RBMS3: variants seen among roughly 807,000 people sequenced by gnomAD.
RBMS3 encodes the protein RNA binding motif single stranded interacting protein 3, also known as RNA-binding motif, single-stranded-interacting protein 3.
RBMS3 carries 27 observed loss-of-function variants against 66.8 expected under a neutral mutation model. The observed-to-expected ratio is 0.40, with a 90% confidence interval of 0.30 to 0.56. RBMS3 has a LOEUF of 0.56. Ranked by LOEUF, RBMS3 falls within the 20% of genes least tolerant of loss-of-function variation. RBMS3 has a pLI of 0.40. For synonymous variants in RBMS3, 188 were observed against 183.0 expected (o/e 1.03, Z -0.22); for missense variants, 513 against 549.5 (o/e 0.93, Z 0.66).
chr3:29,578,901 A>C (rs1393248373), intron 3 of RBMS3, among the ~76,000 whole-genome samples: 1 of 140,298 alleles, frequency 7.1e-6, no homozygotes, highest in Admixed American at 7.5e-5. Flanking sequence ...TCCCGGGTTC[A>C]CGCCATTCTC....
intron 2 of RBMS3, among the ~76,000 whole-genome samples, chr3:29,462,595 T>C (rs2042407928): frequency 6.6e-6 from 1 of 152,220 alleles, no homozygotes; most frequent in South Asian, 2.1e-4. Context: ...TCTCTGTGTT[T>C]CCCAGTGTTA....
At position 30,010,019 on chromosome 3, in the gene RBMS3, T is replaced by C. The variant is rs979178926; in HGVS notation, c.*6157T>C. ...CAAAAGAAGAAGAAGAAAAATGGAA[T>C]CTTAATTTAAAAAAATATATGTAGT... On this transcript the variant is annotated 3_prime_UTR_variant, in exon 15 of 15. Transcript: ENST00000383767. 8 of 151,916 alleles carry C rather than the reference T, an allele frequency of 5.3e-5. No homozygotes were observed. Among genetic ancestry groups the C allele is most frequent in the Non-Finnish European group, 8.8e-5 (6 of 67,980 alleles). The allele number at this position is 151,916 out of a possible 1,614,324, so 9.4% of individuals were successfully genotyped here.
intron 1 of RBMS3, among the ~76,000 whole-genome samples, chr3:29,388,541 A>G (rs957605316): frequency 1.3e-5 from 2 of 152,154 alleles, no homozygotes; most frequent in Admixed American, 1.3e-4. Flanking sequence ...AGGAAACACC[A>G]CTTTGCCCCC....
rs1405698063 is a variant in RBMS3, at chr3:29,987,664, TAACTATTACATTA to T, written c.1099-478_1099-466del. On this transcript the variant is annotated intron_variant, in intron 12 of 14. Coordinates refer to ENST00000383767, the MANE Select transcript of RBMS3 (RefSeq NM_001003793.3). ...TTGCCAATAATGCCAATGTATCACA[TAACTATTACATTA>T]CTTTGCTGCTTTTTTAAATTCAAAA... is the stretch of plus-strand genomic sequence containing the variant. Among the ~76,000 whole-genome samples, 5 of 152,286 alleles carry T rather than the reference TAACTATTACATTA, an allele frequency of 3.3e-5. No individual in the cohort carries two copies. The East Asian group carries it at 7.7e-4, about 23-fold the overall frequency.
intron 7 of RBMS3, among the ~76,000 whole-genome samples, chr3:29,871,730 G>C (rs1238176209): frequency 2.0e-5 from 3 of 152,078 alleles, no homozygotes; most frequent in African/African-American, 7.2e-5. Context: ...TCATGTGAAA[G>C]GGATTTCTGA....
intron 1 of RBMS3, among the ~76,000 whole-genome samples, chr3:29,346,073 C>T (rs2036553698): frequency 6.6e-6 from 1 of 152,182 alleles, no homozygotes; most frequent in Non-Finnish European, 1.5e-5. Flanking sequence ...GCTGACTGGG[C>T]ATAGGCGTGC....
At chr3:29,850,205 G>A (rs2058896715) in intron 6 of RBMS3, among the ~76,000 whole-genome samples, 3 of 152,142 alleles carry the variant, frequency 2.0e-5, no homozygotes, top group Admixed American at 2.0e-4. Context: ...AAAACACAGA[G>A]AGAAAAGAGC....
chr3:29,919,832 C>T (rs1200613513), intron 10 of RBMS3, among the ~76,000 whole-genome samples: 1 of 152,198 alleles, frequency 6.6e-6, no homozygotes, highest in East Asian at 1.9e-4. Flanking sequence ...TGTACATTGT[C>T]AACTTTTCTG....
intron 3 of RBMS3, among the ~76,000 whole-genome samples, chr3:29,574,130 G>A (rs553668689): frequency 1.3e-5 from 2 of 152,232 alleles, no homozygotes; most frequent in African/African-American, 4.8e-5. Flanking sequence ...TTCTATCTGG[G>A]AGATCTGTCC....
chr3:29,444,667 C>T (rs1042487230), intron 2 of RBMS3, among the ~76,000 whole-genome samples: 4 of 151,676 alleles, frequency 2.6e-5, no homozygotes, highest in Admixed American at 1.3e-4. Flanking sequence ...TTGGGTTTGG[C>T]AACATCGAGG....
intron 1 of RBMS3, among the ~76,000 whole-genome samples, chr3:29,388,084 GACAC>G (rs55679426): frequency 0.33 from 48,376 of 146,894 alleles, 7,914 homozygotes; most frequent in Admixed American, 0.45. Context: ...CACACACACA[GACAC>G]ACACACACAC....
chr3:29,722,541 AT>A (rs1182010918), intron 4 of RBMS3, among the ~76,000 whole-genome samples: 1 of 152,174 alleles, frequency 6.6e-6, no homozygotes, highest in Non-Finnish European at 1.5e-5. Context: ...GTCCTTTATA[AT>A]AAACAAAAAA....
chr3:29,722,918 G>C (rs887279342), intron 4 of RBMS3, among the ~76,000 whole-genome samples: 1 of 151,884 alleles, frequency 6.6e-6, no homozygotes, highest in African/African-American at 2.4e-5. Flanking sequence ...AGTTTTCCAT[G>C]GAGATTGATG....
chr3:29,701,080 C>T (rs566774392), intron 4 of RBMS3, among the ~76,000 whole-genome samples: 4 of 152,138 alleles, frequency 2.6e-5, no homozygotes, highest in Admixed American at 2.6e-4. Context: ...AGTTCGAGAC[C>T]AGCCTGGCCA....
intron 14 of RBMS3, among the ~76,000 whole-genome samples, chr3:29,999,617 A>T (rs1295717245): frequency 6.6e-6 from 1 of 152,162 alleles, no homozygotes; most frequent in African/African-American, 2.4e-5. Context: ...AGGGACATGG[A>T]TGAAACTGGA....
rs66518208 is a variant in RBMS3 at position 29,816,311 on chromosome 3, G to GACACAC, written c.638-52513_638-52508dup. On this transcript the variant is annotated intron_variant, in intron 6 of 14. Transcript: ENST00000383767. ...ACACAGACACACACAGACACACACA[G>GACACAC]ACACACACACACACACACACACACA... Among the ~76,000 whole-genome samples the GACACAC allele has an allele frequency of 7.9e-3, 546 of 69,082 alleles. 4 individuals are homozygous for GACACAC. The highest frequency in any genetic ancestry group is 0.017 in the South Asian group (51 of 3,086). The allele number at this position is 69,082 out of a possible 152,430, so 45.3% of individuals were successfully genotyped here.
intron 6 of RBMS3, among the ~76,000 whole-genome samples, chr3:29,811,640 G>GT (rs1364249833): frequency 7.2e-5 from 11 of 152,056 alleles, no homozygotes; most frequent in Non-Finnish European, 1.3e-4. Context: ...ATTCCCTCCA[G>GT]TTTTTTTCTC....
chr3:29,982,657 C>T (rs919306832), intron 12 of RBMS3, among the ~76,000 whole-genome samples: 1 of 152,180 alleles, frequency 6.6e-6, no homozygotes, highest in African/African-American at 2.4e-5. Flanking sequence ...TTTCTGCCTT[C>T]ATTTCATTAT....
intron 1 of RBMS3, among the ~76,000 whole-genome samples, chr3:29,355,555 C>CA (rs761034684): frequency 2.6e-4 from 38 of 146,438 alleles, no homozygotes; most frequent in African/African-American, 3.5e-4. Flanking sequence ...ATATATACAG[C>CA]AAGAAAAAAA....
Sources: allele counts gnomAD v4.1 joint callset (sites outside exome capture counted in the v4.1 genomes callset), GRCh38; gene constraint gnomAD v4.1.1; transcripts MANE v1.5; gene names NCBI Gene and HGNC (gene_info 2026-07-23, HGNC 2026-07-21).